The following ZBED6 variants were observed in gnomAD, a reference collection of about 807,000 sequenced individuals.
ZBED6 encodes the protein zinc finger BED domain-containing protein 6.
ZBED6 carries 40 observed loss-of-function variants against 58.4 expected under a neutral mutation model. The observed-to-expected ratio is 0.68, with a 90% CI of 0.53 to 0.89. The LOEUF (loss-of-function observed/expected upper bound fraction) is 0.89. Ranked by LOEUF, ZBED6 falls within the 40% of genes least tolerant of loss-of-function variation. The pLI is 0.00. For missense variants in ZBED6, 1,057 were observed against 1,003.9 expected, an observed-to-expected ratio of 1.05 and a Z score of -0.71; for synonymous variants, 439 against 350.6, an observed-to-expected ratio of 1.25 and a Z score of -2.82.
Position 203,800,317 on chromosome 1 carries a change from G to A in ZBED6, c.2795G>A (p.Ser932Asn), listed in dbSNP as rs527596769. The A allele has an allele frequency of 6.1e-4, 547 of 890,426 alleles. 3 individuals carry two copies. The South Asian group carries it at 7.0e-3, about 11-fold the overall frequency. The allele number at this position is 890,426 out of a possible 1,614,324, so 55.2% of individuals were successfully genotyped here. Residue 932 changes from serine (S) to asparagine (N), a missense_variant, in exon 1 of 17, where the codon AGC becomes AAC. Ser to Asn is a conservative substitution (Grantham distance 46). Coordinates refer to ENST00000550078, the Ensembl canonical transcript of ZBED6. The stretch of plus-strand genomic sequence containing the variant: ...CACTTTCATCCAAAACAGATCATGA[G>A]CCTGGACTTTGACAATATAGAACAA...
At chr1:203,819,553 A>ATTTTTTTTTTTTT in intron 3 of ZBED6, among the ~76,000 whole-genome samples, 1 of 36,842 alleles carries the variant, frequency 2.7e-5, no homozygotes, top group Non-Finnish European at 5.3e-5. Context: ...TTTTTTTTTG[A>ATTTTTTTTTTTTT]GACAGAGTTT....
intron 1 of ZBED6, among the ~76,000 whole-genome samples, chr1:203,805,428 G>T (rs1033393251): frequency 1.3e-5 from 2 of 152,086 alleles, no homozygotes; most frequent in African/African-American, 2.4e-5. Context: ...ACCGCGCCCT[G>T]CCAGAATCAA....
chr1:203,846,946 A>C (rs780564579), intron 11 of ZBED6, among the ~76,000 whole-genome samples: 1 of 151,972 alleles, frequency 6.6e-6, no homozygotes, highest in Admixed American at 6.6e-5. Flanking sequence ...CAGAGGTTGC[A>C]GTGAGCTGAG....
At chr1:203,838,348 T>C (rs1685016673) in intron 10 of ZBED6, among the ~76,000 whole-genome samples, 1 of 152,246 alleles carries the variant, frequency 6.6e-6, no homozygotes, top group Non-Finnish European at 1.5e-5. Context: ...CACAGTGTTA[T>C]GGTAACACAT....
At chr1:203,834,650 AATT>A (rs1047281590) in intron 9 of ZBED6, among the ~76,000 whole-genome samples, 33 of 152,004 alleles carry the variant, frequency 2.2e-4, no homozygotes, top group African/African-American at 6.8e-4. Flanking sequence ...GACTCCAAAA[AATT>A]ATTATTATCA....
In ZBED6 at chr1:203,847,339, A is replaced by G; in HGVS notation, c.*3897A>G. The G allele has an allele frequency of 1.9e-6, 3 of 1,613,986 alleles. No individual in the cohort carries two copies. In the South Asian group the frequency reaches 3.3e-5, roughly 18 times the overall value. On this transcript the variant is annotated 3_prime_UTR_variant, in exon 12 of 17. Coordinates refer to ENST00000550078, the Ensembl canonical transcript of ZBED6. ...TACTTCAGGAGCAAGAAGCTCCTCC[A>G]CTATCCGTATCAAAACCTTCTCTGA...
intron 1 of ZBED6, chr1:203,805,849 G>T: frequency 2.2e-6 from 2 of 903,016 alleles, no homozygotes; most frequent in African/African-American, 1.7e-5. Flanking sequence ...GATTTCATTT[G>T]CATCTTCCAT....
chr1:203,830,001 A>T (rs963873600), intron 6 of ZBED6, 105 bp downstream of exon 6: 1 of 1,271,652 alleles, frequency 7.9e-7, no homozygotes, highest in Non-Finnish European at 1.1e-6. Flanking sequence ...TGCTACACGC[A>T]TACTTACCTA....
At position 203,851,072 on chromosome 1, in the gene ZBED6, G is replaced by A. The variant is rs528920540; in HGVS notation, c.*4821G>A. 84 of 1,614,142 alleles carry A rather than the reference G, an allele frequency of 5.2e-5. 1 individual carries two copies. In the South Asian group the frequency reaches 8.6e-4, roughly 16 times the overall value. The stretch of plus-strand genomic sequence containing the variant: ...CCTTTTGTAGGCTGTTGTCCCGCTT[G>A]TCTCTGAGGACAAATCAGTCACTGT... On this transcript the variant is annotated 3_prime_UTR_variant, in exon 16 of 17. Coordinates refer to ENST00000550078, the Ensembl canonical transcript of ZBED6.
At chr1:203,833,640 AT>A in intron 8 of ZBED6, 150 bp from the exon 9 acceptor site, 1 of 242,942 alleles carries the variant, frequency 4.1e-6, no homozygotes, top group Non-Finnish European at 6.7e-6. Flanking sequence ...TTTTTTTGAT[AT>A]AATGGCCTTC....
At chr1:203,799,210 C>T in exon 1 of ZBED6, 1 of 995,288 alleles carries the variant, frequency 1.0e-6, no homozygotes. Flanking sequence ...TTCATTGTTT[C>T]TGACAATTCC....
At chr1:203,799,099 G>C in exon 1 of ZBED6, 1 of 1,535,766 alleles carries the variant, frequency 6.5e-7, no homozygotes, top group South Asian at 1.2e-5. Context: ...GCAGTGCTTT[G>C]TGTTACAGGT....
At chr1:203,802,730 T>TTTTTTTTTG (rs1670932009) in exon 1 of ZBED6, 1 of 146,078 alleles carries the variant, frequency 6.8e-6, no homozygotes, top group Non-Finnish European at 1.5e-5. Context: ...TTTTGTTTTT[T>TTTTTTTTTG]TTTTGTTTTG....
chr1:203,840,154 G>A lies in ZBED6; in HGVS notation c.*3673-152G>A, dbSNP rs890387782. 7.5e-6 allele frequency: 5 copies of A among 668,592 alleles called. No homozygotes were observed. In the African/African-American group the frequency reaches 9.4e-5, roughly 13 times the overall value. The allele number at this position is 668,592 out of a possible 1,614,324, so 41.4% of individuals were successfully genotyped here. The stretch of plus-strand genomic sequence containing the variant: ...GGGTTTCACCATGTTGGCCAGGCTG[G>A]CCTTGAAGTCCTGACCTCAAGTGAT... On this transcript the variant is annotated intron_variant, in intron 10 of 16. Coordinates refer to ENST00000550078, the Ensembl canonical transcript of ZBED6.
intron 1 of ZBED6, among the ~76,000 whole-genome samples, chr1:203,815,799 AT>A (rs1257919829): frequency 6.6e-6 from 1 of 152,080 alleles, no homozygotes; most frequent in Non-Finnish European, 1.5e-5. Flanking sequence ...GTAGATCACT[AT>A]TTCTGAAACC....
chr1:203,841,961 G>A (rs548330944), intron 11 of ZBED6, among the ~76,000 whole-genome samples: 5 of 150,928 alleles, frequency 3.3e-5, no homozygotes, highest in Non-Finnish European at 7.4e-5. Context: ...GTTCCCAGAC[G>A]GGGCCGCGGC....
exon 1 of ZBED6, chr1:203,798,210 A>G (rs1226788379): frequency 1.3e-6 from 2 of 1,536,072 alleles, no homozygotes; most frequent in Non-Finnish European, 1.7e-6. Context: ...TAGAATGGGC[A>G]AGAAGCATGA....
chr1:203,845,490 G>A (rs963754222), intron 11 of ZBED6, among the ~76,000 whole-genome samples: 2 of 152,218 alleles, frequency 1.3e-5, no homozygotes, highest in African/African-American at 4.8e-5. Flanking sequence ...GGTTGAAGAT[G>A]CAATTACAGT....
chr1:203,800,832 A>G (rs1670344746), exon 1 of ZBED6: 1 of 158,846 alleles, frequency 6.3e-6, no homozygotes, highest in African/African-American at 2.4e-5. Context: ...AAATCAACGA[A>G]ATGAGAAAAA....
Sources: gnomAD v4.1 joint callset for allele counts (sites outside exome capture counted in the v4.1 genomes callset) on GRCh38, gnomAD v4.1.1 for gene constraint, MANE v1.5 for transcripts, NCBI Gene and HGNC (gene_info 2026-07-23, HGNC 2026-07-21) for gene names.